ZAN: variants seen among roughly 807,000 people sequenced by gnomAD.
ZAN encodes zonadhesin.
A neutral mutation model predicts 286.2 loss-of-function variants in ZAN; 260 were observed. That is an observed-to-expected ratio of 0.91 (90% CI 0.82 to 1.01). ZAN has a LOEUF of 1.01. Ranked by LOEUF, ZAN falls within the 50% of genes least tolerant of loss-of-function variation. The probability of loss-of-function intolerance (pLI) is 0.00; values close to 1 mark genes in which losing one functional copy is unlikely to be tolerated. For missense variants in ZAN, 3,410 were observed against 3,639.2 expected, an observed-to-expected ratio of 0.94 and a Z score of 1.62; for synonymous variants, 1,368 against 1,417.5, an observed-to-expected ratio of 0.97 and a Z score of 0.79.
chr7:100,734,092 CA>C lies in ZAN; in HGVS notation c.-76del, dbSNP rs1304526173. On this transcript the variant is annotated 5_prime_UTR_variant, in exon 2 of 48. An upstream open reading frame in the 5' UTR loses its in-frame stop. Transcript: ENST00000613979. Reference sequence around the variant, plus strand: ...TGGAAGGATGCCAAGCTAAGGAGGCCAGGGGGGAATAAAAGGAGTCCAGGCT... The same window carrying C: ...TGGAAGGATGCCAAGCTAAGGAGGCCGGGGGGAATAAAAGGAGTCCAGGCT... The C allele has an allele frequency of 1.2e-5, 12 of 967,158 alleles. 1 individual carries two copies. Among genetic ancestry groups the C allele is most frequent in the East Asian group, 2.7e-5 (1 of 36,450 alleles). The allele number at this position is 967,158 out of a possible 1,614,324, so 59.9% of individuals were successfully genotyped here. A position where few individuals can be genotyped will look rare whatever the true frequency, so the allele number is the denominator to read the frequency against.
chr7:100,747,666 C>T (rs1355600699), intron 9 of ZAN, 25 bp downstream of exon 9: 2 of 1,600,778 alleles, frequency 1.2e-6, no homozygotes, highest in Non-Finnish European at 1.7e-6. Context: ...GGGGTCAGGT[C>T]CTTGCACATG....
chr7:100,794,109 C>G lies in ZAN; in HGVS notation c.7987-11C>G. 1 of 1,613,944 alleles carries G rather than the reference C, an allele frequency of 6.2e-7. No individual in the cohort carries two copies. The highest frequency in any genetic ancestry group is 8.5e-7 in the Non-Finnish European group (1 of 1,179,852). ...ACTGGAACGTCTCCTCCTGGCCCTT[C>G]CCCTTTCTAGCTGGGCAGCAGCTTT... On this transcript the variant is annotated splice_polypyrimidine_tract_variant and intron_variant, in intron 43 of 47. Coordinates refer to ENST00000613979, the MANE Select transcript of ZAN (RefSeq NM_003386.3).
At chr7:100,768,546 TG>T in intron 26 of ZAN, 63 bp from the exon 27 acceptor site, 1 of 1,360,830 alleles carries the variant, frequency 7.3e-7, no homozygotes, top group Non-Finnish European at 1.0e-6. Context: ...AGGAGGATGG[TG>T]GCCCTGGGGC....
intron 7 of ZAN, 66 bp downstream of exon 7, chr7:100,738,679 T>A: frequency 7.0e-7 from 1 of 1,421,920 alleles, no homozygotes; most frequent in South Asian, 1.2e-5. Flanking sequence ...ATAATTGCCC[T>A]GGGACGGTCT....
chr7:100,753,252 G>C (rs753033848), intron 14 of ZAN, 23 bp downstream of exon 14: 3 of 1,546,772 alleles, frequency 1.9e-6, no homozygotes, highest in South Asian at 2.5e-5. Context: ...TGGAGCGTGG[G>C]CCAAGGCTGA....
At chr7:100,772,282 C>G (rs1438269688) in intron 29 of ZAN, among the ~76,000 whole-genome samples, 9 of 150,174 alleles carry the variant, frequency 6.0e-5, no homozygotes, top group African/African-American at 1.7e-4. Flanking sequence ...AAATACAAAA[C>G]TTGGCCAGGT....
rs376128697 is a variant in ZAN, at chr7:100,775,367, T to C, written c.5819T>C (p.Val1940Ala). ...VCQLPGESHYVSFDGSNHSIP... is the reference protein window; with the variant it reads ...VCQLPGESHYASFDGSNHSIP... Reference sequence around the variant, plus strand: ...CAGCTCCCAGGGGAGTCCCACTACGTGAGCTTTGATGGTAGTAACCATTCT... The same window carrying C: ...CAGCTCCCAGGGGAGTCCCACTACGCGAGCTTTGATGGTAGTAACCATTCT... The change falls in exon 32 of 48, where the codon GTG becomes GCG. Residue 1940 changes from valine (V) to alanine (A), a missense_variant. This residue lies in a region of ZAN where 1,289 missense variants were observed against 1,314.3 expected (regional missense o/e 0.98). Coordinates refer to ENST00000613979, the MANE Select transcript of ZAN (RefSeq NM_003386.3). 2 of 1,611,080 alleles carry C rather than the reference T, an allele frequency of 1.2e-6. No homozygotes were observed. The highest frequency in any genetic ancestry group is 2.2e-5 in the East Asian group (1 of 44,786).
Position 100,794,157 on chromosome 7 carries a change from G to A in ZAN, c.8024G>A (p.Arg2675Gln), listed in dbSNP as rs751202264. The A allele has an allele frequency of 4.6e-5, 74 of 1,613,866 alleles. 1 individual carries two copies. Among genetic ancestry groups the A allele is most frequent in the South Asian group, 4.4e-4 (40 of 91,092 alleles). The change falls in exon 44 of 48, where the codon CGG (arginine) becomes CAG (glutamine). Residue 2675 changes from arginine to glutamine, a missense_variant. Transcript: ENST00000613979. Reference protein sequence around the residue: ...SSFLTEDCSQRCTCASSRILL... With the variant: ...SSFLTEDCSQQCTCASSRILL... ...TTTCTGACTGAGGACTGCTCTCAGCGGTGCACCTGTGCCAGCTCACGGATC... is the reference window on the plus strand; with the variant it reads ...TTTCTGACTGAGGACTGCTCTCAGCAGTGCACCTGTGCCAGCTCACGGATC...
chr7:100,773,434 A>G lies in ZAN; in HGVS notation c.5575A>G (p.Thr1859Ala), dbSNP rs771899176. 6.2e-7 allele frequency: 1 copy of G among 1,613,878 alleles called. No individual in the cohort carries two copies. Among genetic ancestry groups the G allele is most frequent in the Non-Finnish European group, 8.5e-7 (1 of 1,179,870 alleles). ...ECQKGHILSG[T>A]SCVPLGQCGC... ...TCAGAAAGGCCACATCTTGAGTGGA[A>G]CCTCCTGCGTGCCCCTTGGCCAGTG... Residue 1859 changes from threonine (T) to alanine (A), a missense_variant, in exon 30 of 48, where the codon ACC becomes GCC. By Grantham distance (58) the Thr-to-Ala change is moderately conservative. This residue lies in a region of ZAN where 1,289 missense variants were observed against 1,314.3 expected (regional missense o/e 0.98). Transcript: ENST00000613979.
intron 14 of ZAN, among the ~76,000 whole-genome samples, chr7:100,754,888 C>CG (rs1430864544): frequency 6.6e-6 from 1 of 152,000 alleles, no homozygotes; most frequent in Non-Finnish European, 1.5e-5. Context: ...GTGATCTGTC[C>CG]GCCTCGGTTT....
At chr7:100,786,738 G>A (rs1049858032) in intron 37 of ZAN, among the ~76,000 whole-genome samples, 1 of 151,764 alleles carries the variant, frequency 6.6e-6, no homozygotes, top group Non-Finnish European at 1.5e-5. Flanking sequence ...CAGGCCAGGA[G>A]ATAGAGAAAA....
chr7:100,765,301 A>C lies in ZAN; in HGVS notation c.4268-51A>C, dbSNP rs1315334641. ...AACGTGTCCTTCCTGTTTCCCACCC[A>C]GCCCCGTGGCTTGTTCGTCTCCTTC... On this transcript the variant is annotated intron_variant, in intron 22 of 47. Coordinates refer to ENST00000613979, the MANE Select transcript of ZAN (RefSeq NM_003386.3). The C allele has an allele frequency of 3.1e-6, 5 of 1,592,566 alleles. No individual in the cohort carries two copies. In the African/African-American group the frequency reaches 6.7e-5, roughly 21 times the overall value.
chr7:100,736,831 A>ATC lies in ZAN; in HGVS notation c.277_278dup (p.Asn94ArgfsTer84). 6.8e-7 allele frequency: 1 copy of ATC among 1,480,858 alleles called. No individual in the cohort carries two copies. The highest frequency in any genetic ancestry group is 1.7e-4 in the Middle Eastern group (1 of 5,900). 91.7% of individuals were successfully genotyped at this position (1,480,858 alleles called of 1,614,324 possible). Reference sequence around the variant, plus strand: ...CAGAGGGCAGCTATCTGCATATGGAATCGAACAGCTTCCACCGTGGGGGAG... The same window carrying ATC: ...CAGAGGGCAGCTATCTGCATATGGAATCTCGAACAGCTTCCACCGTGGGGGAG... On this transcript the variant is annotated frameshift_variant, in exon 5 of 48. Coordinates refer to ENST00000613979, the MANE Select transcript of ZAN (RefSeq NM_003386.3). LOFTEE classifies it high-confidence loss of function.
intron 15 of ZAN, among the ~76,000 whole-genome samples, chr7:100,756,549 C>A (rs1283021148): frequency 6.6e-6 from 1 of 152,060 alleles, no homozygotes; most frequent in African/African-American, 2.4e-5. Context: ...ACTATTATTT[C>A]TTTCCCCTGC....
intron 29 of ZAN, among the ~76,000 whole-genome samples, chr7:100,772,344 C>A (rs931167776): frequency 6.7e-6 from 1 of 150,372 alleles, no homozygotes; most frequent in Admixed American, 6.7e-5. Flanking sequence ...GTGGGAGAAT[C>A]GCTTGAACCT....
At chr7:100,779,127 C>T (rs1010267141) in intron 34 of ZAN, among the ~76,000 whole-genome samples, 4 of 150,680 alleles carry the variant, frequency 2.7e-5, no homozygotes, top group African/African-American at 7.3e-5. Flanking sequence ...CGCTTGAACC[C>T]GGGAGGCGGA....
intron 45 of ZAN, among the ~76,000 whole-genome samples, chr7:100,795,672 T>C (rs145621739): frequency 0.021 from 3,211 of 151,786 alleles, 112 homozygotes; most frequent in African/African-American, 0.071. Flanking sequence ...TTTGGGAGGC[T>C]GAGGTGGGCG....
chr7:100,772,457 A>AAAAT (rs1810438281), intron 29 of ZAN, among the ~76,000 whole-genome samples: 2 of 151,412 alleles, frequency 1.3e-5, no homozygotes, highest in Non-Finnish European at 2.9e-5. Context: ...CAAAACAAAA[A>AAAAT]GTTCTGGCAG....
At chr7:100,794,309 C>A (rs1812208215) in intron 44 of ZAN, 51 bp downstream of exon 44, 4 of 1,541,660 alleles carry the variant, frequency 2.6e-6, no homozygotes, top group Non-Finnish European at 3.5e-6. Context: ...CCTGGGGCGT[C>A]CATGGACCAA....
Sources: gnomAD v4.1 joint callset for allele counts (sites outside exome capture counted in the v4.1 genomes callset) on GRCh38, gnomAD v4.1.1 for gene constraint, gnomAD v4.1.1 regional missense constraint, MANE v1.5 for transcripts, NCBI Gene and HGNC (gene_info 2026-07-23, HGNC 2026-07-21) for gene names.